The following LRRTM1 variants were observed in gnomAD, a reference collection of about 807,000 sequenced individuals.
The protein encoded by LRRTM1 is leucine-rich repeat transmembrane neuronal protein 1.
LRRTM1 carries 8 observed loss-of-function variants against 37.3 expected under a neutral mutation model. The ratio of observed to expected loss-of-function variants is 0.21; its 90% CI spans 0.13 to 0.39. The LOEUF (loss-of-function observed/expected upper bound fraction) is 0.39. Ranked by LOEUF, LRRTM1 falls within the 10% of genes least tolerant of loss-of-function variation. The pLI, the probability that LRRTM1 is intolerant of heterozygous loss-of-function variation, is 1.00. For missense variants in LRRTM1, 557 were observed against 691.0 expected, an observed-to-expected ratio of 0.81 and a Z score of 2.17; for synonymous variants, 326 against 316.8, an observed-to-expected ratio of 1.03 and a Z score of -0.31.
chr2:80,299,831 C>T (rs1007648633), downstream of LRRTM1: 1 of 152,152 alleles, frequency 6.6e-6, no homozygotes, highest in Non-Finnish European at 1.5e-5. Context: ...TGAAAGCTTT[C>T]CCTGTAAGCA....
chr2:80,303,903 A>AG lies in LRRTM1; in HGVS notation c.-59-26dup. On this transcript the variant is annotated intron_variant, in intron 1 of 1. Transcript: ENST00000295057. This position sits in a 1 kb window ranked among gnomAD's most constrained non-coding sequence, Gnocchi z 7.7. ...TCTACATCATATTTTATTCCGAGGG[A>AG]GGGGAAGCGGGGGAGGGGGAGAAAA... is the stretch of plus-strand genomic sequence containing the variant. 7.0e-7 allele frequency: 1 copy of AG among 1,419,980 alleles called. No individual in the cohort carries two copies. The highest frequency in any genetic ancestry group is 9.3e-7 in the Non-Finnish European group (1 of 1,080,580). 88.0% of individuals were successfully genotyped at this position (1,419,980 alleles called of 1,614,324 possible).
chr2:80,303,019 C>T lies in LRRTM1; in HGVS notation c.801G>A (p.Glu267=). 6.2e-7 allele frequency: 1 copy of T among 1,613,858 alleles called. No individual in the cohort carries two copies. The highest frequency in any genetic ancestry group is 1.1e-5 in the South Asian group (1 of 91,056). Residue 267 remains glutamate, a synonymous_variant, in exon 2 of 2, where the codon GAG becomes GAA. Transcript: ENST00000295057. The surrounding 1 kb of genome is among the most constrained non-coding windows in gnomAD (Gnocchi z 7.7). ...NLEKMDLSGN[E]IEYMEPHVFE... is the part of the protein sequence containing the mutation. ...ACACATGGGGCTCCATGTACTCGAT[C>T]TCGTTGCCCGACAAGTCCATTTTCT... is the stretch of plus-strand genomic sequence containing the variant.
Position 80,303,764 on chromosome 2 carries a change from C to G in LRRTM1, c.56G>C (p.Gly19Ala), listed in dbSNP as rs764829434. 6.4e-7 allele frequency: 1 copy of G among 1,571,502 alleles called. No homozygotes were observed. Among genetic ancestry groups the G allele is most frequent in the Non-Finnish European group, 8.6e-7 (1 of 1,160,024 alleles). The change falls in exon 2 of 2, where the codon GGG (glycine) becomes GCG (alanine). Residue 19 changes from glycine to alanine, a missense_variant. Physicochemically the swap from Gly to Ala is moderately conservative, Grantham distance 60. Coordinates refer to ENST00000295057, the MANE Select transcript of LRRTM1 (RefSeq NM_178839.5). The surrounding 1 kb of genome is among the most constrained non-coding windows in gnomAD (Gnocchi z 7.7). ...CLYWLLRRPS[G>A]VVLCLLGACF... ...GGCCCCCAGCAGACACAAGACCACC[C>G]CCGAGGGCCTCCTCAGCAGCCAGTA...
chr2:80,292,276 C>T (rs1040381978), intron 2 of LRRTM1, among the ~76,000 whole-genome samples: 1 of 152,006 alleles, frequency 6.6e-6, no homozygotes. Context: ...TTATAACAAC[C>T]CTATGTCCAT....
At position 80,302,849 on chromosome 2, in the gene LRRTM1, G is replaced by A. The variant is rs1676486801; in HGVS notation, c.971C>T (p.Ala324Val). ...GAAGTTGTTGAGCCACGAGGCTAGG[G>A]CACACACGTTGCGCCCGCAATCCCA... ...NLWDCGRNVC[A>V]LASWLNNFQG... Residue 324 changes from alanine (A) to valine (V), a missense_variant, in exon 2 of 2, where the codon GCC (alanine) becomes GTC (valine). By Grantham distance (64) the Ala-to-Val change is moderately conservative. Around this residue, in one of 5 missense-constraint regions of LRRTM1, gnomAD observed 200 missense variants for 249.9 expected, o/e 0.80. Transcript: ENST00000295057. The surrounding 1 kb of genome is among the most constrained non-coding windows in gnomAD (Gnocchi z 6.4). 3 of 1,614,020 alleles carry A rather than the reference G, an allele frequency of 1.9e-6. No individual in the cohort carries two copies. The South Asian group carries it at 3.3e-5, about 18-fold the overall frequency.
exon 3 of LRRTM1, chr2:80,288,870 C>A (rs892474782): frequency 1.3e-5 from 2 of 152,222 alleles, no homozygotes; most frequent in Non-Finnish European, 2.9e-5. Flanking sequence ...TGGAGCTCAG[C>A]AGGCTGCTCG....
intron 2 of LRRTM1, among the ~76,000 whole-genome samples, chr2:80,296,461 T>A (rs1675752557): frequency 6.6e-6 from 1 of 152,238 alleles, no homozygotes; most frequent in Non-Finnish European, 1.5e-5. Flanking sequence ...CTAGTTAATT[T>A]AAGTTTTGCC....
At chr2:80,296,034 T>C (rs1054925545) in intron 2 of LRRTM1, among the ~76,000 whole-genome samples, 1 of 152,194 alleles carries the variant, frequency 6.6e-6, no homozygotes, top group African/African-American at 2.4e-5. Flanking sequence ...CACATTGATT[T>C]TTTTCTAGCT....
At position 80,304,220 on chromosome 2, in the gene LRRTM1, G is replaced by T. The variant is rs188980308; in HGVS notation, c.-128C>A. The T allele has an allele frequency of 1.1e-3, 178 of 162,184 alleles. 1 individual carries two copies. The highest frequency in any genetic ancestry group is 3.9e-3 in the African/African-American group (165 of 42,030). 10.0% of individuals were successfully genotyped at this position (162,184 alleles called of 1,614,324 possible). A position where few individuals can be genotyped will look rare whatever the true frequency, so the allele number is the denominator to read the frequency against. ...TGTGCAGGCTAATTATATGCAGGGC[G>T]AGAGAAGACCCCTCTGTGTTTCCGA... On this transcript the variant is annotated 5_prime_UTR_variant, in exon 1 of 2. Transcript: ENST00000295057.
intron 2 of LRRTM1, among the ~76,000 whole-genome samples, chr2:80,296,187 AT>A (rs1370358382): frequency 1.3e-5 from 2 of 152,126 alleles, no homozygotes; most frequent in East Asian, 3.9e-4. Flanking sequence ...TCAAGCATTT[AT>A]TTTTTTAGCA....
intron 2 of LRRTM1, among the ~76,000 whole-genome samples, chr2:80,291,859 G>C (rs1675286067): frequency 6.6e-6 from 1 of 152,176 alleles, no homozygotes; most frequent in Non-Finnish European, 1.5e-5. Flanking sequence ...AGGTTCACCA[G>C]GGCTGCCAGA....
At chr2:80,300,466 C>T (rs1047140281), downstream of LRRTM1, among the ~76,000 whole-genome samples, 2 of 152,028 alleles carry the variant, frequency 1.3e-5, no homozygotes, top group East Asian at 3.9e-4. Context: ...ACCACCAACC[C>T]TTAGCTTAAG....
Position 80,303,028 on chromosome 2 carries a change from C to G in LRRTM1, c.792G>C (p.Ser264=). 6.2e-7 allele frequency: 1 copy of G among 1,613,714 alleles called. No individual in the cohort carries two copies. The highest frequency in any genetic ancestry group is 8.5e-7 in the Non-Finnish European group (1 of 1,179,970). Residue 264 remains serine (S), a synonymous_variant, in exon 2 of 2, where the codon TCG becomes TCC. Transcript: ENST00000295057. This position sits in a 1 kb window ranked among gnomAD's most constrained non-coding sequence, Gnocchi z 7.7. ...GCTCCATGTACTCGATCTCGTTGCC[C>G]GACAAGTCCATTTTCTCCAGGTTCC... is the stretch of plus-strand genomic sequence containing the variant. The part of the protein sequence containing the change: ...WVWNLEKMDL[S]GNEIEYMEPH...
intron 2 of LRRTM1, among the ~76,000 whole-genome samples, chr2:80,294,193 C>A (rs1302919602): frequency 6.6e-6 from 1 of 152,164 alleles, no homozygotes; most frequent in Non-Finnish European, 1.5e-5. Context: ...GCTACTGAAC[C>A]TTTTCAGATT....
intron 2 of LRRTM1, among the ~76,000 whole-genome samples, chr2:80,291,715 A>G (rs1286149580): frequency 6.6e-6 from 1 of 152,180 alleles, no homozygotes; most frequent in Non-Finnish European, 1.5e-5. Flanking sequence ...GGAATTGACT[A>G]TAGATAGCAA....
At chr2:80,289,946 AG>A (rs1207682331) in intron 2 of LRRTM1, among the ~76,000 whole-genome samples, 34 of 152,182 alleles carry the variant, frequency 2.2e-4, no homozygotes, top group African/African-American at 8.0e-4. Context: ...GAGAGTTTGA[AG>A]GATATGGGCC....
downstream of LRRTM1, among the ~76,000 whole-genome samples, chr2:80,300,676 TAGAG>T (rs559463327): frequency 2.5e-4 from 38 of 152,296 alleles, no homozygotes; most frequent in South Asian, 4.6e-3. Context: ...TAGTGTCCGT[TAGAG>T]AGGGAAGAGA....
rs1676439262 is a variant in LRRTM1, at chr2:80,302,601, C to T, written c.1219G>A (p.Glu407Lys). Residue 407 changes from glutamate to lysine, a missense_variant, in exon 2 of 2, where the codon GAG (glutamate) becomes AAG (lysine). By Grantham distance (56) the Glu-to-Lys change is moderately conservative. This residue lies in a region of LRRTM1 where 89 missense variants were observed against 80.7 expected (regional missense o/e 1.10). Coordinates refer to ENST00000295057, the MANE Select transcript of LRRTM1 (RefSeq NM_178839.5). This position sits in a 1 kb window ranked among gnomAD's most constrained non-coding sequence, Gnocchi z 6.4. ...GGEGQHDGTF[E>K]PATVALPGGE... is the part of the protein sequence containing the mutation. Reference sequence around the variant, plus strand: ...CCTGGAAGAGCCACGGTGGCAGGCTCGAATGTGCCGTCGTGCTGCCCCTCC... The same window carrying T: ...CCTGGAAGAGCCACGGTGGCAGGCTTGAATGTGCCGTCGTGCTGCCCCTCC... 1.2e-6 allele frequency: 2 copies of T among 1,606,290 alleles called. No individual in the cohort carries two copies. The highest frequency in any genetic ancestry group is 2.7e-5 in the African/African-American group (2 of 75,022).
In LRRTM1 at chr2:80,302,676, T is replaced by C. The variant is rs1369687043; in HGVS notation, c.1144A>G (p.Ser382Gly). The C allele has an allele frequency of 1.2e-6, 2 of 1,612,010 alleles. No individual in the cohort carries two copies. Among genetic ancestry groups the C allele is most frequent in the Non-Finnish European group, 1.7e-6 (2 of 1,179,694 alleles). Residue 382 changes from serine to glycine, a missense_variant, in exon 2 of 2, where the codon AGT becomes GGT. Physicochemically the swap from Ser to Gly is moderately conservative, Grantham distance 56. Transcript: ENST00000295057. The surrounding 1 kb of genome is among the most constrained non-coding windows in gnomAD (Gnocchi z 6.4). ...GAGCTGGCAGGGGGCCCCAGATCACTGCGGTTGGTGACGGCCGAGAGCAGG... is the reference window on the plus strand; with the variant it reads ...GAGCTGGCAGGGGGCCCCAGATCACCGCGGTTGGTGACGGCCGAGAGCAGG... ...GHLLSAVTNRSDLGPPASSAT... is the reference protein window; with the variant it reads ...GHLLSAVTNRGDLGPPASSAT...
Sources: gnomAD v4.1 joint callset for allele counts (sites outside exome capture counted in the v4.1 genomes callset) on GRCh38, gnomAD v4.1.1 for gene constraint, gnomAD v4.1.1 regional missense constraint, Gnocchi (gnomAD v3.1) non-coding constraint, MANE v1.5 for transcripts, NCBI Gene and HGNC (gene_info 2026-07-23, HGNC 2026-07-21) for gene names.